HDAC11: variants seen among roughly 807,000 people sequenced by gnomAD.
The protein encoded by HDAC11 is histone deacetylase 11.
In HDAC11, 23 loss-of-function variants were observed where a neutral mutation model predicts 41.1. That is an observed-to-expected ratio of 0.56 (90% CI 0.40 to 0.79). The LOEUF (loss-of-function observed/expected upper bound fraction) is 0.79, where lower values mean the gene tolerates loss of function less well. Ranked by LOEUF, HDAC11 falls within the 30% of genes least tolerant of loss-of-function variation. The probability of loss-of-function intolerance (pLI) is 0.00; values close to 1 mark genes in which losing one functional copy is unlikely to be tolerated. For synonymous variants in HDAC11, 187 were observed against 186.6 expected, an observed-to-expected ratio of 1.00 and a Z score of -0.02; for missense variants, 402 against 477.3, an observed-to-expected ratio of 0.84 and a Z score of 1.47.
rs534927973 is a variant in HDAC11 at position 13,496,811 on chromosome 3, G to A, written c.328G>A (p.Val110Met). ...CCCCAACTTCCTTGTGCAGAGGAAG[G>A]TGCTGAGGCCCCTTCGGACCCAGAC... is the stretch of plus-strand genomic sequence containing the variant. ...FLPNFLVQRK[V>M]LRPLRTQTGG... The change falls in exon 4 of 10, where the codon GTG (valine) becomes ATG (methionine). Residue 110 changes from valine (V) to methionine (M), a missense_variant. By Grantham distance (21) the Val-to-Met change is conservative (BLOSUM62 1). Transcript: ENST00000295757. 1.9e-6 allele frequency: 3 copies of A among 1,603,802 alleles called. No individual in the cohort carries two copies. The highest frequency in any genetic ancestry group is 1.3e-5 in the African/African-American group (1 of 74,518).
At chr3:13,498,470 G>T (rs778144960) in intron 4 of HDAC11, 43 bp from the exon 5 acceptor site, 1 of 1,612,950 alleles carries the variant, frequency 6.2e-7, no homozygotes, top group East Asian at 2.2e-5. Context: ...ATGACTGGTG[G>T]ATCGGCTGCC....
intron 6 of HDAC11, 49 bp from the exon 7 acceptor site, chr3:13,501,822 G>A: frequency 6.4e-7 from 1 of 1,574,518 alleles, no homozygotes; most frequent in Non-Finnish European, 8.7e-7. Flanking sequence ...GTAGGGCTGG[G>A]TCCTCTGTCC....
intron 6 of HDAC11, among the ~76,000 whole-genome samples, chr3:13,501,026 A>C (rs555565718): frequency 3.3e-5 from 5 of 152,294 alleles, no homozygotes; most frequent in Non-Finnish European, 7.4e-5. Flanking sequence ...CCAGCCTCCC[A>C]CAGAGCCAGG....
rs1701418882 is a variant in HDAC11 at position 13,483,536 on chromosome 3, A to C, written c.224A>C (p.His75Pro). The C allele has an allele frequency of 6.2e-7, 1 of 1,613,406 alleles. No individual in the cohort carries two copies. Among genetic ancestry groups the C allele is most frequent in the Non-Finnish European group, 8.5e-7 (1 of 1,179,684 alleles). Residue 75 changes from histidine (H) to proline (P), a missense_variant, in exon 3 of 10, where the codon CAC becomes CCC. Transcript: ENST00000295757. The part of the protein sequence containing the change: ...EASEEDLLVV[H>P]TRRYLNELKW... Reference sequence around the variant, plus strand: ...TCGGAGGAGGACCTGCTGGTGGTGCACACGAGGCGCTATCTTAATGAGCTC... The same window carrying C: ...TCGGAGGAGGACCTGCTGGTGGTGCCCACGAGGCGCTATCTTAATGAGCTC...
At chr3:13,491,539 A>G (rs986201417) in intron 3 of HDAC11, among the ~76,000 whole-genome samples, 3 of 152,066 alleles carry the variant, frequency 2.0e-5, no homozygotes, top group African/African-American at 4.8e-5. Context: ...TGGGCGCCCT[A>G]GAGGGGTTAC....
At chr3:13,501,154 T>A (rs1160533528) in intron 6 of HDAC11, among the ~76,000 whole-genome samples, 1 of 152,200 alleles carries the variant, frequency 6.6e-6, no homozygotes, top group East Asian at 1.9e-4. Flanking sequence ...CACCTGGCAG[T>A]TCTGCATGCT....
chr3:13,498,099 G>T (rs945187655), intron 4 of HDAC11, among the ~76,000 whole-genome samples: 1 of 151,686 alleles, frequency 6.6e-6, no homozygotes, highest in Non-Finnish European at 1.5e-5. Context: ...CAAGTGATCC[G>T]CCTGCCTCGG....
rs763918926 is a variant in HDAC11 at position 13,504,721 on chromosome 3, C to T, written c.*38C>T. 1.4e-5 allele frequency: 22 copies of T among 1,562,492 alleles called. No homozygotes were observed. The highest frequency in any genetic ancestry group is 3.3e-5 in the Admixed American group (2 of 59,824). On this transcript the variant is annotated 3_prime_UTR_variant, in exon 10 of 10. Coordinates refer to ENST00000295757, the MANE Select transcript of HDAC11 (RefSeq NM_024827.4). Reference sequence around the variant, plus strand: ...TGCCTGTCACGTGGCCCTGCCTATCCGCCCCTTAGTGCTTTTTGTTTTCTA... The same window carrying T: ...TGCCTGTCACGTGGCCCTGCCTATCTGCCCCTTAGTGCTTTTTGTTTTCTA...
At position 13,496,732 on chromosome 3, in the gene HDAC11, G is replaced by A. The variant is rs201063069; in HGVS notation, c.253-4G>A. 31 of 1,589,702 alleles carry A rather than the reference G, an allele frequency of 2.0e-5. No individual in the cohort carries two copies. Among genetic ancestry groups the A allele is most frequent in the East Asian group, 4.7e-5 (2 of 42,948 alleles). On this transcript the variant is annotated splice_polypyrimidine_tract_variant and splice_region_variant and intron_variant, in intron 3 of 9. Coordinates refer to ENST00000295757, the MANE Select transcript of HDAC11 (RefSeq NM_024827.4). ...AGGCCAACAGCCCCTGTCTTTTTCC[G>A]CAGTGGTCCTTTGCTGTTGCTACCA...
intron 2 of HDAC11, among the ~76,000 whole-genome samples, chr3:13,482,393 G>A (rs1162075879): frequency 1.3e-5 from 2 of 152,218 alleles, no homozygotes; most frequent in Non-Finnish European, 2.9e-5. Flanking sequence ...TTGCCTGCAG[G>A]CTGTGAGACT....
intron 3 of HDAC11, among the ~76,000 whole-genome samples, chr3:13,493,966 A>G (rs1701976645): frequency 6.6e-6 from 1 of 152,254 alleles, no homozygotes; most frequent in Non-Finnish European, 1.5e-5. Context: ...GGGCAGGCAG[A>G]TCTTCTGACA....
chr3:13,488,415 T>C (rs1202280079), intron 3 of HDAC11, among the ~76,000 whole-genome samples: 1 of 152,192 alleles, frequency 6.6e-6, no homozygotes, highest in South Asian at 2.1e-4. Context: ...TTTAAACACT[T>C]GCTCCCCATT....
intron 3 of HDAC11, among the ~76,000 whole-genome samples, chr3:13,492,531 C>G (rs537075815): frequency 1.3e-5 from 2 of 152,164 alleles, no homozygotes; most frequent in African/African-American, 4.8e-5. Context: ...CTCCAGGGGG[C>G]CCCAGGTGGG....
intron 3 of HDAC11, among the ~76,000 whole-genome samples, 178 bp downstream of exon 3, chr3:13,483,742 A>G (rs1701432195): frequency 6.6e-6 from 1 of 152,052 alleles, no homozygotes; most frequent in Non-Finnish European, 1.5e-5. Context: ...GAGAGAGGTC[A>G]TAAAAAGGCA....
At chr3:13,498,233 A>G (rs945322759) in intron 4 of HDAC11, among the ~76,000 whole-genome samples, 3 of 152,216 alleles carry the variant, frequency 2.0e-5, no homozygotes, top group South Asian at 2.1e-4. Flanking sequence ...GTCAGCTCAT[A>G]TGTGATGGAT....
intron 3 of HDAC11, among the ~76,000 whole-genome samples, chr3:13,494,919 C>A (rs973086718): frequency 4.6e-5 from 7 of 152,232 alleles, no homozygotes; most frequent in Admixed American, 4.6e-4. Context: ...CTGGCTACAG[C>A]ACCTCTTGGC....
chr3:13,480,768 G>A lies in HDAC11; in HGVS notation c.2+419G>A. The A allele has an allele frequency of 2.1e-6, 1 of 470,376 alleles. No individual in the cohort carries two copies. The highest frequency in any genetic ancestry group is 4.4e-6 in the Non-Finnish European group (1 of 228,946). The allele number at this position is 470,376 out of a possible 1,614,324, so 29.1% of individuals were successfully genotyped here. A position where few individuals can be genotyped will look rare whatever the true frequency, so the allele number is the denominator to read the frequency against. On this transcript the variant is annotated intron_variant, in intron 1 of 9. Transcript: ENST00000295757. This position sits in a 1 kb window ranked among gnomAD's most constrained non-coding sequence, Gnocchi z 4.6. ...CAGGGGATCCCCGCCCCCCGCCCTGGCTCAGGTTGGGTCCCGACTTGGGTT... is the reference window on the plus strand; with the variant it reads ...CAGGGGATCCCCGCCCCCCGCCCTGACTCAGGTTGGGTCCCGACTTGGGTT...
chr3:13,481,366 A>C lies in HDAC11; in HGVS notation c.123A>C (p.Lys41Asn). Residue 41 changes from lysine (K) to asparagine (N), a missense_variant, in exon 2 of 10, where the codon AAA becomes AAC. Lys to Asn is a moderately conservative substitution (Grantham distance 94). Coordinates refer to ENST00000295757, the MANE Select transcript of HDAC11 (RefSeq NM_024827.4). ...LEKLHPFDAG[K>N]WGKVINFLKE... ...AGCTGCATCCCTTTGATGCCGGAAAATGGGGCAAAGTGATCAATTTCCTAA... is the reference window on the plus strand; with the variant it reads ...AGCTGCATCCCTTTGATGCCGGAAACTGGGGCAAAGTGATCAATTTCCTAA... 6.2e-7 allele frequency: 1 copy of C among 1,614,106 alleles called. No individual in the cohort carries two copies. Among genetic ancestry groups the C allele is most frequent in the Non-Finnish European group, 8.5e-7 (1 of 1,180,028 alleles).
chr3:13,496,954 A>G, intron 4 of HDAC11, 102 bp downstream of exon 4: 1 of 559,162 alleles, frequency 1.8e-6, no homozygotes, highest in South Asian at 2.6e-5. Flanking sequence ...TTAGTAGTTG[A>G]ACAGAATCCT....
Sources: gnomAD v4.1 joint callset for allele counts (sites outside exome capture counted in the v4.1 genomes callset) on GRCh38, gnomAD v4.1.1 for gene constraint, Gnocchi (gnomAD v3.1) non-coding constraint, MANE v1.5 for transcripts, NCBI Gene and HGNC (gene_info 2026-07-23, HGNC 2026-07-21) for gene names.